The following CNTNAP2 variants were observed in gnomAD, a reference collection of about 807,000 sequenced individuals.
CNTNAP2 encodes the protein contactin-associated protein-like 2.
A neutral mutation model predicts 155.2 loss-of-function variants in CNTNAP2; 98 were observed. That is an observed-to-expected ratio of 0.63 (90% CI 0.54 to 0.75). The LOEUF (loss-of-function observed/expected upper bound fraction) is 0.75, where lower values mean the gene tolerates loss of function less well. Ranked by LOEUF, CNTNAP2 falls within the 30% of genes least tolerant of loss-of-function variation. The pLI, the probability that CNTNAP2 is intolerant of heterozygous loss-of-function variation, is 0.00. For missense variants in CNTNAP2, 1,727 were observed against 1,688.1 expected (o/e 1.02, Z -0.40); for synonymous variants, 651 against 631.2 (o/e 1.03, Z -0.47).
chr7:148,082,913 G>C (rs1264231987), intron 15 of CNTNAP2, among the ~76,000 whole-genome samples: 1 of 151,814 alleles, frequency 6.6e-6, no homozygotes, highest in Non-Finnish European at 1.5e-5. Context: ...TCTTGACCTC[G>C]TGATCCACCT....
intron 1 of CNTNAP2, among the ~76,000 whole-genome samples, chr7:146,720,777 A>G (rs191827387): frequency 3.3e-5 from 5 of 151,068 alleles, no homozygotes; most frequent in African/African-American, 1.2e-4. Context: ...TAGACTATGT[A>G]GAGGATGTAA....
chr7:146,605,245 G>A lies in CNTNAP2; in HGVS notation c.98-169026G>A, dbSNP rs140630923. On this transcript the variant is annotated intron_variant, in intron 1 of 23. Transcript: ENST00000361727. ...CATTTCACTGTATGGCTAGAAACTA[G>A]GGCTGGCCATTTTGTGTATTATTGT... 6.0e-4 allele frequency among the ~76,000 whole-genome samples: 91 copies of A among 151,204 alleles called. 4 individuals are homozygous for A. In the East Asian group the frequency reaches 0.015, roughly 25 times the overall value.
chr7:148,039,758 C>A (rs540900173), intron 15 of CNTNAP2, among the ~76,000 whole-genome samples: 2 of 152,274 alleles, frequency 1.3e-5, no homozygotes, highest in South Asian at 4.1e-4. Flanking sequence ...TGCATTGGCT[C>A]CATGGTCACA....
intron 15 of CNTNAP2, among the ~76,000 whole-genome samples, chr7:148,046,785 G>T (rs543981107): frequency 6.6e-6 from 1 of 152,324 alleles, no homozygotes; most frequent in South Asian, 2.1e-4. Flanking sequence ...CTCTAGAAGA[G>T]TTATATAATC....
intron 1 of CNTNAP2, among the ~76,000 whole-genome samples, chr7:146,320,516 C>T (rs1037168855): frequency 1.3e-5 from 2 of 152,072 alleles, no homozygotes; most frequent in African/African-American, 2.4e-5. Flanking sequence ...TTTCATGTTA[C>T]GGTTACAATG....
At chr7:147,287,732 G>A (rs1584847643) in intron 8 of CNTNAP2, among the ~76,000 whole-genome samples, 1 of 151,742 alleles carries the variant, frequency 6.6e-6, no homozygotes, top group East Asian at 1.9e-4. Context: ...GCCCAACCTC[G>A]ACTCCCTCCC....
intron 15 of CNTNAP2, among the ~76,000 whole-genome samples, chr7:148,070,084 C>T (rs1803352818): frequency 6.6e-6 from 1 of 152,150 alleles, no homozygotes; most frequent in South Asian, 2.1e-4. Flanking sequence ...GATTTCAATC[C>T]AGGCTCTGTA....
chr7:146,551,449 C>A (rs1028445053), intron 1 of CNTNAP2, among the ~76,000 whole-genome samples: 2 of 151,914 alleles, frequency 1.3e-5, no homozygotes, highest in African/African-American at 4.8e-5. Context: ...TCATCCATGT[C>A]CCTACAAAGG....
chr7:147,990,448 G>A (rs556179735), intron 15 of CNTNAP2, among the ~76,000 whole-genome samples: 1 of 152,244 alleles, frequency 6.6e-6, no homozygotes, highest in African/African-American at 2.4e-5. Context: ...GTTTCTGTGT[G>A]GAAGAGAAGT....
intron 13 of CNTNAP2, among the ~76,000 whole-genome samples, chr7:147,840,237 T>C (rs1382912019): frequency 6.6e-6 from 1 of 152,102 alleles, no homozygotes; most frequent in East Asian, 1.9e-4. Context: ...GTGATAGTTA[T>C]CCTAAAAGCC....
intron 20 of CNTNAP2, among the ~76,000 whole-genome samples, chr7:148,253,099 A>C (rs936302343): frequency 6.6e-6 from 1 of 152,172 alleles, no homozygotes; most frequent in African/African-American, 2.4e-5. Flanking sequence ...GAAAAACTGT[A>C]ACCCCAGTTT....
chr7:146,264,564 G>A (rs576221056), intron 1 of CNTNAP2, among the ~76,000 whole-genome samples: 20 of 152,184 alleles, frequency 1.3e-4, no homozygotes, highest in African/African-American at 4.3e-4. Context: ...TAAATAGTTG[G>A]CAAGAATGAT....
intron 1 of CNTNAP2, among the ~76,000 whole-genome samples, chr7:146,554,785 A>G (rs1180765184): frequency 6.6e-6 from 1 of 152,040 alleles, no homozygotes; most frequent in African/African-American, 2.4e-5. Context: ...TGCACTGCAC[A>G]GAGTCTCCGA....
intron 10 of CNTNAP2, among the ~76,000 whole-genome samples, chr7:147,464,048 C>T (rs1186475844): frequency 1.4e-5 from 2 of 147,354 alleles, no homozygotes; most frequent in African/African-American, 2.5e-5. Context: ...AAAGACAATA[C>T]ATATGTGTGT....
intron 8 of CNTNAP2, among the ~76,000 whole-genome samples, chr7:147,142,524 T>C (rs573906086): frequency 6.6e-6 from 1 of 152,222 alleles, no homozygotes; most frequent in South Asian, 2.1e-4. Context: ...GGGATATTGG[T>C]CTAAAATTCT....
intron 1 of CNTNAP2, among the ~76,000 whole-genome samples, chr7:146,671,468 A>G (rs1800304543): frequency 8.7e-6 from 1 of 114,548 alleles, no homozygotes; most frequent in Non-Finnish European, 2.1e-5. Flanking sequence ...CACATATACA[A>G]AAGCAACCCT....
chr7:147,531,107 C>A (rs922114292), intron 11 of CNTNAP2, among the ~76,000 whole-genome samples: 2 of 152,096 alleles, frequency 1.3e-5, no homozygotes, highest in African/African-American at 4.8e-5. Context: ...TGGTCTTGGG[C>A]AACTCCTCCC....
chr7:148,030,726 C>T (rs533726108), intron 15 of CNTNAP2, among the ~76,000 whole-genome samples: 3 of 142,168 alleles, frequency 2.1e-5, no homozygotes, highest in South Asian at 4.4e-4. Flanking sequence ...TCTTGAGAAG[C>T]GTACAGCATA....
intron 1 of CNTNAP2, among the ~76,000 whole-genome samples, chr7:146,390,972 C>CAAAAATACAAA (rs1447916291): frequency 4.7e-5 from 7 of 148,960 alleles, no homozygotes; most frequent in Admixed American, 2.0e-4. Flanking sequence ...GAGGCTGAGG[C>CAAAAATACAAA]AGGAGAATTG....
Sources: allele counts gnomAD v4.1 joint callset (sites outside exome capture counted in the v4.1 genomes callset), GRCh38; gene constraint gnomAD v4.1.1; transcripts MANE v1.5; gene names NCBI Gene and HGNC (gene_info 2026-07-23, HGNC 2026-07-21).